The following POU6F2 variants were observed in gnomAD, a reference collection of about 807,000 sequenced individuals.
POU6F2 encodes the protein POU domain, class 6, transcription factor 2.
A neutral mutation model predicts 71.3 loss-of-function variants in POU6F2; 31 were observed. That is an observed-to-expected ratio of 0.43 (90% CI 0.33 to 0.59). POU6F2 has a LOEUF of 0.59. Among genes scored for constraint, POU6F2 ranks in the 20% least tolerant of loss-of-function variants. The probability of loss-of-function intolerance (pLI) is 0.04; values close to 1 mark genes in which losing one functional copy is unlikely to be tolerated. For synonymous variants in POU6F2, 347 were observed against 355.7 expected, an observed-to-expected ratio of 0.98 and a Z score of 0.27; for missense variants, 783 against 856.8, an observed-to-expected ratio of 0.91 and a Z score of 1.07.
intron 4 of POU6F2, among the ~76,000 whole-genome samples, chr7:39,324,152 C>T (rs1351494910): frequency 6.8e-6 from 1 of 147,126 alleles, no homozygotes; most frequent in Non-Finnish European, 1.5e-5. Flanking sequence ...GTGATGCAGA[C>T]AAGACAAAAT....
At position 39,339,819 on chromosome 7, in the gene POU6F2, C is replaced by T. The variant is rs1238541963; in HGVS notation, c.776C>T (p.Pro259Leu). The change falls in exon 5 of 10, where the codon CCC becomes CTC. Residue 259 changes from proline to leucine, a missense_variant. By Grantham distance (98) the Pro-to-Leu change is moderately conservative. This residue lies in a region of POU6F2 where 572 missense variants were observed against 572.9 expected (regional missense o/e 1.00). Transcript: ENST00000518318. ...LQPTPPQQPP[P>L]ASQQPPAPTS... The stretch of plus-strand genomic sequence containing the variant: ...CCCACCCCACCCCAGCAGCCACCAC[C>T]CGCCTCTCAGCAGCCGCCAGCTCCT... The T allele has an allele frequency of 6.3e-7, 1 of 1,580,634 alleles. No homozygotes were observed. Among genetic ancestry groups the T allele is most frequent in the Admixed American group, 1.9e-5 (1 of 53,580 alleles).
At chr7:39,240,375 T>C (rs1358417548) in intron 4 of POU6F2, among the ~76,000 whole-genome samples, 4 of 152,160 alleles carry the variant, frequency 2.6e-5, no homozygotes, top group Non-Finnish European at 5.9e-5. Flanking sequence ...CTGCCACTAC[T>C]TGCTGGGTGA....
chr7:39,139,986 ACAGT>A (rs1364615411), intron 2 of POU6F2, among the ~76,000 whole-genome samples: 1 of 152,216 alleles, frequency 6.6e-6, no homozygotes, highest in Non-Finnish European at 1.5e-5. Context: ...CACATTAGAG[ACAGT>A]CAGGAGACTA....
At position 39,465,224 on chromosome 7, in the gene POU6F2, C is replaced by A. The variant is rs1456945941; in HGVS notation, c.*538C>A. 6.6e-6 allele frequency: 1 copy of A among 152,628 alleles called. No individual in the cohort carries two copies. Among genetic ancestry groups the A allele is most frequent in the Non-Finnish European group, 1.5e-5 (1 of 68,362 alleles). The allele number at this position is 152,628 out of a possible 1,614,324, so 9.5% of individuals were successfully genotyped here. A position where few individuals can be genotyped will look rare whatever the true frequency, so the allele number is the denominator to read the frequency against. On this transcript the variant is annotated 3_prime_UTR_variant, in exon 10 of 10. Coordinates refer to ENST00000518318, the MANE Select transcript of POU6F2 (RefSeq NM_001370959.1). ...GAAACCTATTAACCAAAGTCAGAAA[C>A]ATGGCATTGCAACGCGATCGTTCGT... is the stretch of plus-strand genomic sequence containing the variant.
chr7:39,364,676 A>G (rs1167318814), intron 5 of POU6F2, among the ~76,000 whole-genome samples: 1 of 152,156 alleles, frequency 6.6e-6, no homozygotes, highest in African/African-American at 2.4e-5. Flanking sequence ...ATTGACGGGT[A>G]TTTGGGGTGG....
At chr7:39,028,254 C>T (rs1486379613) in intron 1 of POU6F2, among the ~76,000 whole-genome samples, 1 of 152,098 alleles carries the variant, frequency 6.6e-6, no homozygotes, top group Non-Finnish European at 1.5e-5. Flanking sequence ...ATTCTCCCTA[C>T]TCATGCTTTA....
intron 4 of POU6F2, among the ~76,000 whole-genome samples, chr7:39,266,204 A>T (rs188424603): frequency 5.9e-5 from 9 of 152,310 alleles, no homozygotes; most frequent in African/African-American, 7.2e-5. Context: ...GGAGATTTTT[A>T]AAAAGTTTTT....
intron 5 of POU6F2, among the ~76,000 whole-genome samples, chr7:39,341,934 G>T (rs527862548): frequency 1.3e-5 from 2 of 152,180 alleles, no homozygotes; most frequent in Admixed American, 1.3e-4. Context: ...ACAGTTTCTC[G>T]TGGAAATCCC....
At chr7:39,243,557 A>G (rs1399371243) in intron 4 of POU6F2, among the ~76,000 whole-genome samples, 1 of 152,102 alleles carries the variant, frequency 6.6e-6, no homozygotes, top group Non-Finnish European at 1.5e-5. Context: ...AAAAAATATA[A>G]CAAAAAGCCC....
chr7:38,979,441 C>T (rs1788260284), intron 1 of POU6F2, among the ~76,000 whole-genome samples: 1 of 152,094 alleles, frequency 6.6e-6, no homozygotes, highest in South Asian at 2.1e-4. Context: ...TTTTCACAGG[C>T]TCACACTATT....
chr7:39,216,943 C>T (rs1794255296), intron 4 of POU6F2, among the ~76,000 whole-genome samples: 1 of 152,110 alleles, frequency 6.6e-6, no homozygotes, highest in East Asian at 1.9e-4. Context: ...CCCACACACA[C>T]ACCCACAGAG....
intron 2 of POU6F2, among the ~76,000 whole-genome samples, chr7:39,151,997 G>C (rs1792769812): frequency 6.6e-6 from 1 of 152,180 alleles, no homozygotes; most frequent in Non-Finnish European, 1.5e-5. Context: ...CTGTAGCCAA[G>C]AGGGCTCACG....
chr7:39,134,362 G>A (rs890161247), intron 2 of POU6F2, among the ~76,000 whole-genome samples: 5 of 152,172 alleles, frequency 3.3e-5, no homozygotes, highest in Non-Finnish European at 5.9e-5. Flanking sequence ...GGTCTGGAGT[G>A]GGACCAGCAA....
chr7:39,241,928 C>T (rs1783733541), intron 4 of POU6F2, among the ~76,000 whole-genome samples: 1 of 152,136 alleles, frequency 6.6e-6, no homozygotes, highest in South Asian at 2.1e-4. Flanking sequence ...GACCACTGAT[C>T]TGTTTTCTGT....
intron 1 of POU6F2, among the ~76,000 whole-genome samples, chr7:39,073,731 G>A (rs1790938521): frequency 6.6e-6 from 1 of 152,220 alleles, no homozygotes; most frequent in South Asian, 2.1e-4. Context: ...CAGACTGCTG[G>A]GAAGCACAGG....
At chr7:39,045,397 T>C (rs1475354274) in intron 1 of POU6F2, among the ~76,000 whole-genome samples, 1 of 151,866 alleles carries the variant, frequency 6.6e-6, no homozygotes, top group Non-Finnish European at 1.5e-5. Context: ...CTCTTTATGC[T>C]CTCTCCCTGC....
chr7:39,451,732 G>T, intron 8 of POU6F2, 31 bp downstream of exon 8: 1 of 1,541,280 alleles, frequency 6.5e-7, no homozygotes, highest in East Asian at 2.4e-5. Flanking sequence ...GGTTTAAATC[G>T]TGGTGGCCTT....
intron 5 of POU6F2, among the ~76,000 whole-genome samples, chr7:39,351,025 G>A (rs1786130566): frequency 6.6e-6 from 1 of 152,240 alleles, no homozygotes; most frequent in African/African-American, 2.4e-5. Context: ...AGATACCAAT[G>A]CCCTGGGGCC....
At chr7:39,138,067 T>C (rs1792421276) in intron 2 of POU6F2, among the ~76,000 whole-genome samples, 1 of 152,208 alleles carries the variant, frequency 6.6e-6, no homozygotes, top group African/African-American at 2.4e-5. Flanking sequence ...TGCATGCTTT[T>C]TGAATATAAG....
Sources: gnomAD v4.1 joint callset for allele counts (sites outside exome capture counted in the v4.1 genomes callset) on GRCh38, gnomAD v4.1.1 for gene constraint, gnomAD v4.1.1 regional missense constraint, MANE v1.5 for transcripts, NCBI Gene and HGNC (gene_info 2026-07-23, HGNC 2026-07-21) for gene names.